Variants in PPP1R9A observed in about 807,000 individuals in gnomAD.
PPP1R9A encodes the protein protein phosphatase 1 regulatory subunit 9A.
Under a neutral mutation model 141.9 loss-of-function variants are expected in PPP1R9A, and 59 were observed. The ratio of observed to expected loss-of-function variants is 0.42; its 90% CI spans 0.34 to 0.52. PPP1R9A has a LOEUF of 0.52. Ranked by LOEUF, PPP1R9A falls within the 20% of genes least tolerant of loss-of-function variation. The pLI is 0.10. For synonymous variants in PPP1R9A, 500 were observed against 569.7 expected (o/e 0.88, Z 1.74); for missense variants, 1,444 against 1,611.9 (o/e 0.90, Z 1.78).
chr7:95,064,656 G>A (rs996769601), intron 2 of PPP1R9A, among the ~76,000 whole-genome samples: 1 of 152,150 alleles, frequency 6.6e-6, no homozygotes, highest in Non-Finnish European at 1.5e-5. Flanking sequence ...TGCCAAAAAA[G>A]CTCTACAGAT....
chr7:95,258,263 G>C (rs1307954405), intron 12 of PPP1R9A, among the ~76,000 whole-genome samples: 1 of 152,066 alleles, frequency 6.6e-6, no homozygotes, highest in Non-Finnish European at 1.5e-5. Flanking sequence ...TTCTCTGATG[G>C]CCAGTGATGA....
chr7:95,005,457 A>G (rs978312091), intron 2 of PPP1R9A, among the ~76,000 whole-genome samples: 1 of 152,182 alleles, frequency 6.6e-6, no homozygotes, highest in African/African-American at 2.4e-5. Context: ...AGAAGTTTCA[A>G]GGCATATAAT....
At chr7:94,914,463 T>C (rs1791824738) in intron 2 of PPP1R9A, among the ~76,000 whole-genome samples, 1 of 152,224 alleles carries the variant, frequency 6.6e-6, no homozygotes, top group African/African-American at 2.4e-5. Flanking sequence ...GGTCAGACTG[T>C]ATTGCCAGCC....
At chr7:95,226,916 G>A (rs1199060348) in intron 8 of PPP1R9A, among the ~76,000 whole-genome samples, 1 of 152,152 alleles carries the variant, frequency 6.6e-6, no homozygotes, top group Non-Finnish European at 1.5e-5. Context: ...TGATTAATAG[G>A]TCCCAAAGCA....
In PPP1R9A at chr7:95,115,456, A is replaced by G. The variant is rs1476176067; in HGVS notation, c.1528+4065A>G. Among the ~76,000 whole-genome samples, 6 of 152,308 alleles carry G rather than the reference A, an allele frequency of 3.9e-5. No individual in the cohort carries two copies. The South Asian group carries it at 1.2e-3, about 32-fold the overall frequency. ...AAAGAATGCATAAAGCCAGTGTTAA[A>G]CTATTTTAGATCATAGATAATAAAG... is the stretch of plus-strand genomic sequence containing the variant. On this transcript the variant is annotated intron_variant, in intron 3 of 19. Coordinates refer to ENST00000433360, the MANE Select transcript of PPP1R9A (RefSeq NM_001166160.2).
intron 12 of PPP1R9A, among the ~76,000 whole-genome samples, chr7:95,267,750 G>T (rs1205831993): frequency 6.6e-6 from 1 of 151,994 alleles, no homozygotes; most frequent in African/African-American, 2.4e-5. Context: ...GTCGTTTCTG[G>T]TGGGGAGAGA....
intron 5 of PPP1R9A, among the ~76,000 whole-genome samples, chr7:95,182,419 G>A (rs550656358): frequency 6.6e-5 from 10 of 152,272 alleles, no homozygotes; most frequent in African/African-American, 1.9e-4. Flanking sequence ...ACACCTGGAT[G>A]TGTAATTTCT....
intron 2 of PPP1R9A, among the ~76,000 whole-genome samples, chr7:94,994,177 G>T (rs1490525633): frequency 6.6e-6 from 1 of 152,038 alleles, no homozygotes; most frequent in Non-Finnish European, 1.5e-5. Flanking sequence ...AGTATGATTG[G>T]ACTGAAAAGA....
At chr7:95,027,793 T>C (rs1028234857) in intron 2 of PPP1R9A, among the ~76,000 whole-genome samples, 9 of 152,142 alleles carry the variant, frequency 5.9e-5, no homozygotes, top group Admixed American at 5.2e-4. Flanking sequence ...ATTTGTATAG[T>C]TTAATATATC....
At chr7:94,931,874 G>A (rs1016776682) in intron 2 of PPP1R9A, among the ~76,000 whole-genome samples, 1 of 152,154 alleles carries the variant, frequency 6.6e-6, no homozygotes, top group African/African-American at 2.4e-5. Flanking sequence ...CACCGTGCCC[G>A]ACTGACTGTG....
At chr7:95,287,833 G>GCGC (rs1199359298) in intron 18 of PPP1R9A, among the ~76,000 whole-genome samples, 2 of 152,066 alleles carry the variant, frequency 1.3e-5, no homozygotes, top group Non-Finnish European at 2.9e-5. Context: ...TTACAGGCAT[G>GCGC]CGCCACCACC....
intron 2 of PPP1R9A, among the ~76,000 whole-genome samples, chr7:95,037,720 C>G (rs757167349): frequency 6.6e-6 from 1 of 151,930 alleles, no homozygotes; most frequent in South Asian, 2.1e-4. Flanking sequence ...TGTGTGTGTG[C>G]GTGCACACAC....
At position 95,252,053 on chromosome 7, in the gene PPP1R9A, T is replaced by C; in HGVS notation, c.2588T>C (p.Leu863Pro). ...NNNIFERRTS[L>P]GEVSKGDTME... ...AACATCTTTGAGAGAAGAACATCTC[T>C]TGGTGAAGTCTCTAAAGGGGATACC... Residue 863 changes from leucine (L) to proline (P), a missense_variant, in exon 12 of 20, where the codon CTT becomes CCT. Physicochemically the swap from Leu to Pro is moderately conservative, Grantham distance 98. This residue lies in a region of PPP1R9A where 488 missense variants were observed against 542.0 expected (regional missense o/e 0.90). Transcript: ENST00000433360. The C allele has an allele frequency of 6.2e-7, 1 of 1,613,606 alleles. No individual in the cohort carries two copies. The highest frequency in any genetic ancestry group is 8.5e-7 in the Non-Finnish European group (1 of 1,179,840).
At chr7:95,196,416 A>G (rs1393102431) in intron 5 of PPP1R9A, among the ~76,000 whole-genome samples, 3 of 152,182 alleles carry the variant, frequency 2.0e-5, no homozygotes, top group Admixed American at 1.3e-4. Flanking sequence ...CAATTTGACA[A>G]TTTCTTTATA....
intron 2 of PPP1R9A, among the ~76,000 whole-genome samples, chr7:95,016,775 C>T (rs1377659678): frequency 1.3e-5 from 2 of 152,254 alleles, no homozygotes; most frequent in Admixed American, 6.5e-5. Context: ...CTACTTTCGT[C>T]CACTTCATTC....
intron 2 of PPP1R9A, among the ~76,000 whole-genome samples, chr7:95,094,832 A>G (rs1212525226): frequency 2.1e-5 from 3 of 143,434 alleles, no homozygotes; most frequent in South Asian, 2.2e-4. Flanking sequence ...ATGAGCTGAG[A>G]TCACACCACT....
intron 2 of PPP1R9A, among the ~76,000 whole-genome samples, chr7:94,939,418 AG>A (rs1795096998): frequency 6.6e-6 from 1 of 152,122 alleles, no homozygotes; most frequent in Non-Finnish European, 1.5e-5. Context: ...ACTGAACTGG[AG>A]GAATTTGCTT....
At chr7:94,947,023 A>G (rs1054037102) in intron 2 of PPP1R9A, among the ~76,000 whole-genome samples, 4 of 152,166 alleles carry the variant, frequency 2.6e-5, no homozygotes, top group Non-Finnish European at 5.9e-5. Context: ...AGTAAATACT[A>G]AAAGCCCAAT....
intron 7 of PPP1R9A, among the ~76,000 whole-genome samples, chr7:95,205,036 C>T (rs1790491610): frequency 1.3e-5 from 2 of 151,864 alleles, no homozygotes; most frequent in African/African-American, 2.4e-5. Context: ...CACACACTCA[C>T]TCTGATCCCA....
Sources: gnomAD v4.1 joint callset for allele counts (sites outside exome capture counted in the v4.1 genomes callset) on GRCh38, gnomAD v4.1.1 for gene constraint, gnomAD v4.1.1 regional missense constraint, MANE v1.5 for transcripts, NCBI Gene and HGNC (gene_info 2026-07-23, HGNC 2026-07-21) for gene names.